The following SUMF1 variants were observed in gnomAD, a reference collection of about 807,000 sequenced individuals.
The protein encoded by SUMF1 is formylglycine-generating enzyme.
A neutral mutation model predicts 47.6 loss-of-function variants in SUMF1; 48 were observed. The ratio of observed to expected loss-of-function variants is 1.01; its 90% CI spans 0.80 to 1.28. The LOEUF is 1.28. Among genes scored for constraint, SUMF1 ranks in the 50% most tolerant of loss-of-function variants. SUMF1 has a pLI of 0.00. For missense variants in SUMF1, 571 were observed against 485.4 expected, an observed-to-expected ratio of 1.18 and a Z score of -1.66; for synonymous variants, 230 against 192.1, an observed-to-expected ratio of 1.20 and a Z score of -1.63.
Position 4,456,767 on chromosome 3 carries a change from T to TACACAC in SUMF1, c.271-3719_271-3718insGTGTGT, listed in dbSNP as rs2079632492. On this transcript the variant is annotated intron_variant, in intron 1 of 8. Coordinates refer to ENST00000272902, the MANE Select transcript of SUMF1 (RefSeq NM_182760.4). ...ACACATATATACGTGTGTGTGTATA[T>TACACAC]ATACACATATATACGTGTGTGTGTA... 3.0e-4 allele frequency among the ~76,000 whole-genome samples: 26 copies of TACACAC among 87,964 alleles called. 1 individual carries two copies. The highest frequency in any genetic ancestry group is 9.2e-4 in the African/African-American group (22 of 23,866). The allele number at this position is 87,964 out of a possible 152,430, so 57.7% of individuals were successfully genotyped here. A position where few individuals can be genotyped will look rare whatever the true frequency, so the allele number is the denominator to read the frequency against.
chr3:4,446,726 G>C (rs1264135844), intron 3 of SUMF1, among the ~76,000 whole-genome samples: 1 of 152,210 alleles, frequency 6.6e-6, no homozygotes, highest in Non-Finnish European at 1.5e-5. Flanking sequence ...AGAGGACAGA[G>C]AGAACAGATG....
At chr3:4,303,395 A>C in intron 8 of SUMF1, 1 of 1,559,870 alleles carries the variant, frequency 6.4e-7, no homozygotes, top group South Asian at 1.2e-5. Context: ...GGCAAAGACG[A>C]CACGGCCTTG....
At chr3:4,302,541 T>C (rs1039886572) in intron 8 of SUMF1, among the ~76,000 whole-genome samples, 1 of 152,150 alleles carries the variant, frequency 6.6e-6, no homozygotes, top group Non-Finnish European at 1.5e-5. Context: ...TGATGCTGGC[T>C]GGCTTTTCCT....
At chr3:4,369,560 A>G (rs1244080283) in intron 8 of SUMF1, among the ~76,000 whole-genome samples, 1 of 152,214 alleles carries the variant, frequency 6.6e-6, no homozygotes, top group Non-Finnish European at 1.5e-5. Context: ...GGGGAGCTAC[A>G]CAGATGACAT....
At chr3:4,076,808 G>T (rs2125041742) in intron 8 of SUMF1, among the ~76,000 whole-genome samples, 1 of 152,154 alleles carries the variant, frequency 6.6e-6, no homozygotes, top group South Asian at 2.1e-4. Flanking sequence ...GACCATCCTG[G>T]CTAACATGGT....
chr3:4,413,030 G>C (rs1007117057), intron 6 of SUMF1, among the ~76,000 whole-genome samples: 3 of 151,824 alleles, frequency 2.0e-5, no homozygotes, highest in African/African-American at 7.3e-5. Flanking sequence ...TTTTAGACAG[G>C]GTCTTGCTCT....
chr3:4,258,560 G>T (rs1476072475), intron 8 of SUMF1, among the ~76,000 whole-genome samples: 2 of 151,940 alleles, frequency 1.3e-5, no homozygotes, highest in African/African-American at 4.8e-5. Flanking sequence ...AAACCACTAT[G>T]AGATACCATC....
intron 8 of SUMF1, among the ~76,000 whole-genome samples, chr3:4,094,866 G>A (rs1249997444): frequency 2.0e-5 from 3 of 152,106 alleles, no homozygotes; most frequent in Admixed American, 6.5e-5. Context: ...GAGAGGGATC[G>A]TGATGTAGGC....
intron 8 of SUMF1, among the ~76,000 whole-genome samples, chr3:4,366,468 A>G (rs547966888): frequency 6.6e-6 from 1 of 151,170 alleles, no homozygotes; most frequent in South Asian, 2.1e-4. Context: ...CATTCATTTC[A>G]TCTTCCATCA....
chr3:4,436,851 T>TAAA, intron 3 of SUMF1, among the ~76,000 whole-genome samples: 1 of 64,276 alleles, frequency 1.6e-5, no homozygotes, highest in African/African-American at 4.0e-5. Flanking sequence ...CTGCATCACC[T>TAAA]AAAAAAAAAA....
chr3:4,239,717 C>T (rs935354161), intron 8 of SUMF1, among the ~76,000 whole-genome samples: 12 of 152,150 alleles, frequency 7.9e-5, no homozygotes, highest in African/African-American at 2.2e-4. Context: ...CATCTGCAAA[C>T]AGAGACAATT....
chr3:4,132,435 A>T (rs1298653761), intron 8 of SUMF1, among the ~76,000 whole-genome samples: 1 of 152,110 alleles, frequency 6.6e-6, no homozygotes, highest in South Asian at 2.1e-4. Flanking sequence ...CAGCTGGGTC[A>T]AAGTTCTCCA....
intron 8 of SUMF1, among the ~76,000 whole-genome samples, chr3:4,241,604 A>C (rs895903001): frequency 2.0e-5 from 3 of 152,172 alleles, no homozygotes; most frequent in Non-Finnish European, 4.4e-5. Flanking sequence ...TTATAATAAA[A>C]TTTTCTTTCT....
intron 8 of SUMF1, among the ~76,000 whole-genome samples, chr3:4,090,379 C>T (rs993503691): frequency 2.0e-5 from 3 of 152,052 alleles, no homozygotes; most frequent in Non-Finnish European, 4.4e-5. Flanking sequence ...TAAGTTGTCC[C>T]ACTCAGAATA....
Position 4,249,702 on chromosome 3 carries a change from C to T in SUMF1, c.1014+126628G>A, listed in dbSNP as rs5007732. Among the ~76,000 whole-genome samples, 1,052 of 152,202 alleles carry T rather than the reference C, an allele frequency of 6.9e-3. 11 individuals carry two copies. The highest frequency in any genetic ancestry group is 0.024 in the African/African-American group (994 of 41,516). On this transcript the variant is annotated intron_variant and NMD_transcript_variant, in intron 8 of 12. Transcript: ENST00000448413. ...GCCTCTAAGTTTTTAAGTAAAAACA[C>T]GTCTCTCACTTTAAATCAAGAGAGT...
At chr3:4,456,274 T>C (rs1030191104) in intron 1 of SUMF1, among the ~76,000 whole-genome samples, 9 of 151,872 alleles carry the variant, frequency 5.9e-5, no homozygotes, top group African/African-American at 1.9e-4. Context: ...TGGGGAAAAA[T>C]GGAAACCTTT....
intron 8 of SUMF1, chr3:4,303,544 C>A (rs1698040314): frequency 2.9e-6 from 4 of 1,356,698 alleles, no homozygotes; most frequent in Non-Finnish European, 3.8e-6. Context: ...CGGGGCCAGG[C>A]GGCGCGGGAG....
Position 4,416,018 on chromosome 3 carries a change from C to A in SUMF1, c.840+1110G>T, listed in dbSNP as rs576920350. 3.2e-4 allele frequency among the ~76,000 whole-genome samples: 49 copies of A among 152,228 alleles called. 1 individual carries two copies. Among genetic ancestry groups the A allele is most frequent in the African/African-American group, 1.2e-3 (49 of 41,518 alleles). ...TAAATTTCTGTTGTTTACAAATTATCCAGTCTGTAGTATTTTCTTACAGTA... is the reference window on the plus strand; with the variant it reads ...TAAATTTCTGTTGTTTACAAATTATACAGTCTGTAGTATTTTCTTACAGTA... On this transcript the variant is annotated intron_variant, in intron 6 of 8. Coordinates refer to ENST00000272902, the MANE Select transcript of SUMF1 (RefSeq NM_182760.4).
At chr3:4,369,295 G>A (rs533687946) in intron 8 of SUMF1, among the ~76,000 whole-genome samples, 6 of 152,308 alleles carry the variant, frequency 3.9e-5, no homozygotes, top group South Asian at 2.1e-4. Context: ...TTTAAAGTGT[G>A]CTTGAAATAA....
Sources: gnomAD v4.1 joint callset for allele counts (sites outside exome capture counted in the v4.1 genomes callset) on GRCh38, gnomAD v4.1.1 for gene constraint, MANE v1.5 for transcripts, NCBI Gene and HGNC (gene_info 2026-07-23, HGNC 2026-07-21) for gene names.